Variants in TLE3 observed in about 807,000 individuals in gnomAD.
TLE3 encodes the protein TLE family member 3, transcriptional corepressor, also known as transducin-like enhancer protein 3.
A neutral mutation model predicts 93.0 loss-of-function variants in TLE3; 14 were observed. The observed-to-expected ratio is 0.15, with a 90% CI of 0.10 to 0.24. TLE3 has a LOEUF of 0.24. TLE3 is among the 10% of genes least tolerant of loss of function. The probability of loss-of-function intolerance (pLI) is 1.00; values close to 1 mark genes in which losing one functional copy is unlikely to be tolerated. For missense variants in TLE3, 693 were observed against 1,046.6 expected, an observed-to-expected ratio of 0.66 and a Z score of 4.66; for synonymous variants, 451 against 425.0, an observed-to-expected ratio of 1.06 and a Z score of -0.75.
chr15:70,086,305 G>A (rs778505409), intron 4 of TLE3, among the ~76,000 whole-genome samples: 15 of 152,118 alleles, frequency 9.9e-5, no homozygotes, highest in South Asian at 2.1e-4. Flanking sequence ...AAGCATCACC[G>A]GTTCCAAAGC....
At position 70,057,622 on chromosome 15, in the gene TLE3, G is replaced by C; in HGVS notation, c.1088C>G (p.Ser363Cys). 2 of 1,587,970 alleles carry C rather than the reference G, an allele frequency of 1.3e-6. No individual in the cohort carries two copies. The highest frequency in any genetic ancestry group is 1.3e-5 in the African/African-American group (1 of 74,816). Residue 363 changes from serine (S) to cysteine (C), a missense_variant, in exon 13 of 20, where the codon TCC (serine) becomes TGC (cysteine). Physicochemically the swap from Ser to Cys is moderately radical, Grantham distance 112. Transcript: ENST00000451782. ...CATCATGGCGAAGGGCGCCGCATAGGAGCTGGTGATGGAGATGGGCGTGCG... is the reference window on the plus strand; with the variant it reads ...CATCATGGCGAAGGGCGCCGCATAGCAGCTGGTGATGGAGATGGGCGTGCG... Reference protein sequence around the residue: ...ALRTPISITSSYAAPFAMMSH... With the variant: ...ALRTPISITSCYAAPFAMMSH...
intron 17 of TLE3, 28 bp downstream of exon 17, chr15:70,053,199 G>A (rs1434178330): frequency 2.5e-6 from 4 of 1,599,398 alleles, no homozygotes; most frequent in Non-Finnish European, 3.4e-6. Flanking sequence ...ACTGCTCTTT[G>A]GGAAGGGAGG....
intron 4 of TLE3, among the ~76,000 whole-genome samples, chr15:70,076,775 C>T (rs1216300776): frequency 2.0e-5 from 3 of 152,094 alleles, no homozygotes; most frequent in African/African-American, 7.2e-5. Context: ...GGCTGGTGTA[C>T]AGTGGTATGA....
At chr15:70,065,877 A>G in intron 7 of TLE3, 137 bp downstream of exon 7, 1 of 932,622 alleles carries the variant, frequency 1.1e-6, no homozygotes, top group South Asian at 1.6e-5. Context: ...TGCACCAGGT[A>G]TCAACAGATG....
chr15:70,095,550 GC>G (rs1283993470), intron 3 of TLE3, 27 bp downstream of exon 3: 3 of 1,547,948 alleles, frequency 1.9e-6, no homozygotes, highest in East Asian at 2.5e-5. Context: ...CGCCCCAACC[GC>G]CCCCCAGGCC....
chr15:70,085,525 T>C (rs1310077300), intron 4 of TLE3, among the ~76,000 whole-genome samples: 1 of 152,104 alleles, frequency 6.6e-6, no homozygotes, highest in Non-Finnish European at 1.5e-5. Flanking sequence ...GAGGAAGAGC[T>C]GGGTAGGGGT....
intron 10 of TLE3, among the ~76,000 whole-genome samples, chr15:70,059,088 T>C (rs569381276): frequency 6.6e-6 from 1 of 152,068 alleles, no homozygotes. Flanking sequence ...GCTCTCCAGC[T>C]CCTCCTCAGG....
rs1172865800 is a variant in TLE3 at position 70,096,892 on chromosome 15, G to A, written c.-94C>T. The A allele has an allele frequency of 2.8e-6, 4 of 1,433,522 alleles. No individual in the cohort carries two copies. The highest frequency in any genetic ancestry group is 1.2e-5 in the South Asian group (1 of 82,646). The allele number at this position is 1,433,522 out of a possible 1,614,324, so 88.8% of individuals were successfully genotyped here. A position where few individuals can be genotyped will look rare whatever the true frequency, so the allele number is the denominator to read the frequency against. On this transcript the variant is annotated 5_prime_UTR_variant, in exon 1 of 20. Transcript: ENST00000451782. ...GGGGGGAGCCGAGCCCGAGCGGGGG[G>A]CGGCCGGGAAACCGAGAGCTCGCCC...
In TLE3 at chr15:70,058,318, G is replaced by A. The variant is rs2056225320; in HGVS notation, c.919-27C>T. ...TGAAGAGGGGAGATGCAGAACAAGG[G>A]AGGCCATGAGGCTTCCATTCTCCTA... On this transcript the variant is annotated intron_variant, in intron 11 of 19. Transcript: ENST00000451782. This position sits in a 1 kb window ranked among gnomAD's most constrained non-coding sequence, Gnocchi z 4.1. The A allele has an allele frequency of 6.4e-7, 1 of 1,564,788 alleles. No homozygotes were observed. Among genetic ancestry groups the A allele is most frequent in the South Asian group, 1.2e-5 (1 of 83,020 alleles).
In TLE3 at chr15:70,058,925, G is replaced by C. The variant is rs2056281690; in HGVS notation, c.766-110C>G. ...GCATGGGCGATGGGAAGACGAGCTT[G>C]GCTGAAAGACTGGGGGCCCCACAGT... On this transcript the variant is annotated intron_variant, in intron 10 of 19. Coordinates refer to ENST00000451782, the MANE Select transcript of TLE3 (RefSeq NM_001105192.3). This position sits in a 1 kb window ranked among gnomAD's most constrained non-coding sequence, Gnocchi z 4.1. The C allele has an allele frequency of 5.0e-6, 7 of 1,392,962 alleles. No individual in the cohort carries two copies. Among genetic ancestry groups the C allele is most frequent in the Non-Finnish European group, 6.6e-6 (7 of 1,064,328 alleles). The allele number at this position is 1,392,962 out of a possible 1,614,324, so 86.3% of individuals were successfully genotyped here. A position where few individuals can be genotyped will look rare whatever the true frequency, so the allele number is the denominator to read the frequency against.
Position 70,097,305 on chromosome 15 carries a change from G to A in TLE3, c.-507C>T, listed in dbSNP as rs2058610458. 2.5e-6 allele frequency: 1 copy of A among 401,306 alleles called. No homozygotes were observed. 24.9% of individuals were successfully genotyped at this position (401,306 alleles called of 1,614,324 possible). On this transcript the variant is annotated 5_prime_UTR_variant, in exon 1 of 20. Transcript: ENST00000451782. ...GATCCTAGAGGCGTCCGGGCCTGGG[G>A]CTCGCGGCGAGAAGAGGAAGGAGGC...
chr15:70,088,895 C>A lies in TLE3; in HGVS notation c.234+5637G>T, dbSNP rs1331830664. Among the ~76,000 whole-genome samples the A allele has an allele frequency of 4.6e-5, 7 of 152,050 alleles. No homozygotes were observed. In the East Asian group the frequency reaches 1.2e-3, roughly 25 times the overall value. On this transcript the variant is annotated intron_variant, in intron 4 of 19. Coordinates refer to ENST00000451782, the MANE Select transcript of TLE3 (RefSeq NM_001105192.3). ...GGGCCCCCGCCCCCGCCCCCACCCCCACCCCGCGGCAGATGGACTCAGGCC... is the reference window on the plus strand; with the variant it reads ...GGGCCCCCGCCCCCGCCCCCACCCCAACCCCGCGGCAGATGGACTCAGGCC...
Position 70,096,819 on chromosome 15 carries a change from C to T in TLE3, c.-21G>A, listed in dbSNP as rs760139567. Reference sequence around the variant, plus strand: ...TACATGGCAGGGAGGGGTCGTGATTCCGAGAGCGTGGAAGCGCCGAGAGCC... The same window carrying T: ...TACATGGCAGGGAGGGGTCGTGATTTCGAGAGCGTGGAAGCGCCGAGAGCC... On this transcript the variant is annotated 5_prime_UTR_variant, in exon 1 of 20. Transcript: ENST00000451782. 1.2e-6 allele frequency: 2 copies of T among 1,609,820 alleles called. No homozygotes were observed. The highest frequency in any genetic ancestry group is 2.3e-5 in the East Asian group (1 of 44,364).
In TLE3 at chr15:70,049,694, C is replaced by T; in HGVS notation, c.*403G>A. ...ACTGCACAATCGGCAAAGAGAGACC[C>T]CCCCATCCCCCAGCACAACATTGTG... On this transcript the variant is annotated 3_prime_UTR_variant, in exon 20 of 20. Transcript: ENST00000451782. 1 of 179,918 alleles carries T rather than the reference C, an allele frequency of 5.6e-6. No homozygotes were observed. The highest frequency in any genetic ancestry group is 1.3e-4 in the South Asian group (1 of 7,718). 11.1% of individuals were successfully genotyped at this position (179,918 alleles called of 1,614,324 possible). A position where few individuals can be genotyped will look rare whatever the true frequency, so the allele number is the denominator to read the frequency against.
At chr15:70,083,931 C>T (rs918975769) in intron 4 of TLE3, among the ~76,000 whole-genome samples, 3 of 152,190 alleles carry the variant, frequency 2.0e-5, no homozygotes, top group Non-Finnish European at 4.4e-5. Flanking sequence ...AAGAGCATAC[C>T]TGTTCCGTAA....
intron 4 of TLE3, chr15:70,079,301 G>T (rs2937279): frequency 0.017 from 8,218 of 473,964 alleles, 660 homozygotes; most frequent in African/African-American, 0.16. Context: ...CATGTTCGAC[G>T]AAGAGAGGCC....
intron 4 of TLE3, among the ~76,000 whole-genome samples, chr15:70,087,971 C>T (rs1328780132): frequency 6.6e-6 from 1 of 152,184 alleles, no homozygotes; most frequent in Non-Finnish European, 1.5e-5. Flanking sequence ...GCCCCACCCA[C>T]CCTGTTGATT....
At chr15:70,069,552 T>C (rs920391376) in intron 6 of TLE3, among the ~76,000 whole-genome samples, 4 of 152,198 alleles carry the variant, frequency 2.6e-5, no homozygotes. Context: ...GTTCCTCATC[T>C]CTGAGTGCAA....
At position 70,097,609 on chromosome 15, in the gene TLE3, C is replaced by T. The variant is rs80253519; in HGVS notation, c.-811G>A. ...CTGCTCCCAGCTTGAGCACCGCGTC[C>T]CCACCGAGGAGCGCTCAGCGCCACC... On this transcript the variant is annotated 5_prime_UTR_variant, in exon 1 of 20. Coordinates refer to ENST00000451782, the MANE Select transcript of TLE3 (RefSeq NM_001105192.3). 6,223 of 398,400 alleles carry T rather than the reference C, an allele frequency of 0.016. 367 individuals carry two copies. Among genetic ancestry groups the T allele is most frequent in the African/African-American group, 0.12 (5,755 of 48,694 alleles). The allele number at this position is 398,400 out of a possible 1,614,324, so 24.7% of individuals were successfully genotyped here. A position where few individuals can be genotyped will look rare whatever the true frequency, so the allele number is the denominator to read the frequency against.
Sources: gnomAD v4.1 joint callset for allele counts (sites outside exome capture counted in the v4.1 genomes callset) on GRCh38, gnomAD v4.1.1 for gene constraint, Gnocchi (gnomAD v3.1) non-coding constraint, MANE v1.5 for transcripts, NCBI Gene and HGNC (gene_info 2026-07-23, HGNC 2026-07-21) for gene names.